The following IFT80 variants were observed in gnomAD, a reference collection of about 807,000 sequenced individuals.
IFT80 encodes the protein intraflagellar transport 80.
A neutral mutation model predicts 107.9 loss-of-function variants in IFT80; 79 were observed. That is an observed-to-expected ratio of 0.73 (90% CI 0.61 to 0.88). The LOEUF (loss-of-function observed/expected upper bound fraction) is 0.88. IFT80 is among the 40% of genes least tolerant of loss of function. The probability of loss-of-function intolerance (pLI) is 0.00; values close to 1 mark genes in which losing one functional copy is unlikely to be tolerated. For synonymous variants in IFT80, 299 were observed against 300.9 expected (o/e 0.99, Z 0.07); for missense variants, 797 against 914.2 (o/e 0.87, Z 1.65).
At chr3:160,321,502 G>C (rs1424471469) in intron 8 of IFT80, among the ~76,000 whole-genome samples, 2 of 151,732 alleles carry the variant, frequency 1.3e-5, no homozygotes, top group African/African-American at 4.8e-5. Context: ...TTAACCATGG[G>C]GATAAGTCCC....
chr3:160,394,078 T>C (rs994587034), intron 1 of IFT80: 7 of 152,202 alleles, frequency 4.6e-5, no homozygotes, highest in African/African-American at 1.7e-4. Flanking sequence ...TTTATTCAGA[T>C]TGGTGCCATC....
At chr3:160,376,564 C>T (rs1712044401) in intron 4 of IFT80, among the ~76,000 whole-genome samples, 1 of 152,168 alleles carries the variant, frequency 6.6e-6, no homozygotes, top group Non-Finnish European at 1.5e-5. Context: ...CTTTCTTATT[C>T]TTCACTTCAA....
chr3:160,379,164 A>G (rs1360704868), intron 3 of IFT80, among the ~76,000 whole-genome samples: 1 of 152,188 alleles, frequency 6.6e-6, no homozygotes, highest in Non-Finnish European at 1.5e-5. Flanking sequence ...TGCTAAGGAC[A>G]TATAAATTGA....
intron 6 of IFT80, among the ~76,000 whole-genome samples, chr3:160,364,707 A>G (rs1472813561): frequency 6.6e-6 from 1 of 152,150 alleles, no homozygotes; most frequent in African/African-American, 2.4e-5. Flanking sequence ...TTGCAGGGAC[A>G]TGGATGAAGC....
Position 160,356,099 on chromosome 3 carries a change from G to A in IFT80, c.691C>T (p.Pro231Ser), listed in dbSNP as rs149447674. 7.0e-5 allele frequency: 113 copies of A among 1,614,096 alleles called. No homozygotes were observed. Among genetic ancestry groups the A allele is most frequent in the Non-Finnish European group, 9.3e-5 (110 of 1,179,962 alleles). Residue 231 changes from proline to serine, a missense_variant, in exon 8 of 20, where the codon CCC becomes TCC. Pro to Ser is a moderately conservative substitution (Grantham distance 74). Coordinates refer to ENST00000326448, the MANE Select transcript of IFT80 (RefSeq NM_020800.3). Reference protein sequence around the residue: ...PLYNSQPHEHPITSVAWAPDG... With the variant: ...PLYNSQPHEHSITSVAWAPDG... Reference sequence around the variant, plus strand: ...GGAGCCCAGGCAACTGAAGTAATGGGATGCTCATGAGGTTGTGAATTGTAC... The same window carrying A: ...GGAGCCCAGGCAACTGAAGTAATGGAATGCTCATGAGGTTGTGAATTGTAC...
intron 11 of IFT80, 85 bp downstream of exon 11, chr3:160,303,830 T>G: frequency 5.9e-6 from 5 of 846,784 alleles, no homozygotes; most frequent in Non-Finnish European, 1.0e-5. Flanking sequence ...AGTATACCAT[T>G]CTTTTAATTG....
chr3:160,326,235 A>G (rs1559941310), intron 8 of IFT80, among the ~76,000 whole-genome samples: 1 of 152,094 alleles, frequency 6.6e-6, no homozygotes, highest in African/African-American at 2.4e-5. Context: ...TCAGCAGAGA[A>G]TAAGTCTTTA....
intron 12 of IFT80, among the ~76,000 whole-genome samples, chr3:160,294,036 T>G (rs556611628): frequency 6.6e-5 from 10 of 152,166 alleles, no homozygotes; most frequent in Non-Finnish European, 7.4e-5. Flanking sequence ...ATTGTAATCA[T>G]AAATACAGTG....
chr3:160,348,027 C>G (rs1156607697), intron 8 of IFT80, among the ~76,000 whole-genome samples: 1 of 152,116 alleles, frequency 6.6e-6, no homozygotes, highest in Non-Finnish European at 1.5e-5. Flanking sequence ...ATAAACAAAG[C>G]AGCTCATTTC....
At chr3:160,364,624 TG>T (rs1721733964) in intron 6 of IFT80, among the ~76,000 whole-genome samples, 1 of 152,166 alleles carries the variant, frequency 6.6e-6, no homozygotes, top group African/African-American at 2.4e-5. Context: ...AGTGATGGAC[TG>T]GATTAAGAAA....
chr3:160,294,519 C>T (rs1715825364), intron 12 of IFT80, among the ~76,000 whole-genome samples: 1 of 152,238 alleles, frequency 6.6e-6, no homozygotes, highest in South Asian at 2.1e-4. Flanking sequence ...CCATGTCCAG[C>T]CAACTTTTGG....
chr3:160,396,208 T>C (rs1039949594), intron 1 of IFT80, among the ~76,000 whole-genome samples: 8 of 152,140 alleles, frequency 5.3e-5, no homozygotes, highest in African/African-American at 1.9e-4. Flanking sequence ...ATAAGTTATG[T>C]GTGTTTCGGT....
intron 18 of IFT80, among the ~76,000 whole-genome samples, chr3:160,269,433 A>G (rs1713630495): frequency 6.6e-6 from 1 of 152,154 alleles, no homozygotes. Flanking sequence ...GTCTGAGAAA[A>G]TGCCTTTTGC....
At position 160,356,154 on chromosome 3, in the gene IFT80, C is replaced by T. The variant is rs376056124; in HGVS notation, c.640-4G>A. The T allele has an allele frequency of 1.4e-5, 23 of 1,610,664 alleles. No individual in the cohort carries two copies. The African/African-American group carries it at 2.8e-4, about 20-fold the overall frequency. On this transcript the variant is annotated splice_polypyrimidine_tract_variant and splice_region_variant and intron_variant, in intron 7 of 19. Coordinates refer to ENST00000326448, the MANE Select transcript of IFT80 (RefSeq NM_020800.3). ...GGCGGCCGTAACTATCCCATACCTA[C>T]AAAAGCAATTTTTAAAAATCTTTTA...
chr3:160,340,743 T>C lies in IFT80; in HGVS notation c.777+15270A>G, dbSNP rs187377040. Reference sequence around the variant, plus strand: ...GCTTTTAAGAACTCATGTGATTATATTGGATGACTGGATAATCCAGGATAG... The same window carrying C: ...GCTTTTAAGAACTCATGTGATTATACTGGATGACTGGATAATCCAGGATAG... On this transcript the variant is annotated intron_variant, in intron 8 of 19. Transcript: ENST00000326448. 3.8e-4 allele frequency among the ~76,000 whole-genome samples: 58 copies of C among 152,318 alleles called. No homozygotes were observed. The East Asian group carries it at 4.1e-3, about 11-fold the overall frequency.
intron 9 of IFT80, among the ~76,000 whole-genome samples, chr3:160,316,610 A>G (rs1488733875): frequency 6.6e-6 from 1 of 152,192 alleles, no homozygotes; most frequent in African/African-American, 2.4e-5. Flanking sequence ...ATCAACTGAC[A>G]TCTTTTCTCA....
intron 12 of IFT80, among the ~76,000 whole-genome samples, chr3:160,296,834 T>A (rs147673661): frequency 6.6e-6 from 1 of 152,248 alleles, no homozygotes; most frequent in African/African-American, 2.4e-5. Context: ...CTTCTAACTA[T>A]CCTCTCTGTC....
chr3:160,331,640 T>C (rs1719093577), intron 8 of IFT80, among the ~76,000 whole-genome samples: 1 of 150,410 alleles, frequency 6.6e-6, no homozygotes, highest in Non-Finnish European at 1.5e-5. Flanking sequence ...ATCTTTATGT[T>C]CTCTTTCCAC....
intron 8 of IFT80, among the ~76,000 whole-genome samples, chr3:160,335,284 G>A (rs1719382629): frequency 6.8e-6 from 1 of 146,690 alleles, no homozygotes; most frequent in African/African-American, 2.5e-5. Context: ...AGGTTTGAGT[G>A]CGGTGGCACA....
Sources: allele counts gnomAD v4.1 joint callset (sites outside exome capture counted in the v4.1 genomes callset), GRCh38; gene constraint gnomAD v4.1.1; transcripts MANE v1.5; gene names NCBI Gene and HGNC (gene_info 2026-07-23, HGNC 2026-07-21).